Variants in RCOR1 observed in about 807,000 individuals in gnomAD.
RCOR1 encodes the protein REST corepressor.
RCOR1 carries 12 observed loss-of-function variants against 64.0 expected under a neutral mutation model. The ratio of observed to expected loss-of-function variants is 0.19; its 90% CI spans 0.12 to 0.30. The LOEUF is 0.30. RCOR1 is among the 10% of genes least tolerant of loss of function. The pLI, the probability that RCOR1 is intolerant of heterozygous loss-of-function variation, is 1.00. For synonymous variants in RCOR1, 279 were observed against 227.2 expected (o/e 1.23, Z -2.05); for missense variants, 502 against 621.2 (o/e 0.81, Z 2.04).
intron 2 of RCOR1, among the ~76,000 whole-genome samples, chr14:102,641,642 C>T (rs940671018): frequency 4.6e-5 from 7 of 151,748 alleles, no homozygotes; most frequent in African/African-American, 1.7e-4. Context: ...TTTTTTGTAC[C>T]AGCTACTATG....
Position 102,722,232 on chromosome 14 carries a change from T to C in RCOR1, c.1235T>C (p.Ile412Thr). The C allele has an allele frequency of 6.2e-7, 1 of 1,614,210 alleles. No individual in the cohort carries two copies. Among genetic ancestry groups the C allele is most frequent in the Non-Finnish European group, 8.5e-7 (1 of 1,180,026 alleles). ...GATTTTCAGGCAATCTCAGACGTGATTGGGAACAAATCAGTGGTACAAGTG... is the reference window on the plus strand; with the variant it reads ...GATTTTCAGGCAATCTCAGACGTGACTGGGAACAAATCAGTGGTACAAGTG... ...GRDFQAISDV[I>T]GNKSVVQVKN... Residue 412 changes from isoleucine to threonine, a missense_variant, in exon 11 of 12, where the codon ATT becomes ACT. Ile to Thr is a moderately conservative substitution (Grantham distance 89). This residue lies in a region of RCOR1 where 260 missense variants were observed against 416.4 expected (regional missense o/e 0.62). Transcript: ENST00000262241.
chr14:102,619,457 A>G lies in RCOR1; in HGVS notation c.361+26132A>G, dbSNP rs1893827560. On this transcript the variant is annotated intron_variant, in intron 2 of 11. Transcript: ENST00000262241. The stretch of plus-strand genomic sequence containing the variant: ...TATCTATCTGTCTGTCTGTCTATCT[A>G]TCTATTCTATCTAATCTTTTTTTTT... 2.1e-5 allele frequency among the ~76,000 whole-genome samples: 3 copies of G among 141,836 alleles called. 1 individual carries two copies. The South Asian group carries it at 6.7e-4, about 32-fold the overall frequency. 93.0% of individuals were successfully genotyped at this position (141,836 alleles called of 152,430 possible).
At chr14:102,595,932 TA>T (rs1486138487) in intron 2 of RCOR1, among the ~76,000 whole-genome samples, 2 of 149,008 alleles carry the variant, frequency 1.3e-5, no homozygotes, top group Non-Finnish European at 3.0e-5. Context: ...CTAACTGGTG[TA>T]AAGTAATTTC....
intron 4 of RCOR1, among the ~76,000 whole-genome samples, chr14:102,706,445 T>G (rs1895862756): frequency 6.6e-6 from 1 of 152,076 alleles, no homozygotes. Context: ...CAAAATAGAC[T>G]TTAAATTTAA....
chr14:102,653,492 G>C (rs1215041482), intron 2 of RCOR1, among the ~76,000 whole-genome samples: 4 of 152,146 alleles, frequency 2.6e-5, no homozygotes, highest in Admixed American at 6.6e-5. Flanking sequence ...GCAGCCTATA[G>C]TGTTATTCTT....
chr14:102,649,836 A>G (rs1347413793), intron 2 of RCOR1: 2 of 950,374 alleles, frequency 2.1e-6, no homozygotes, highest in Non-Finnish European at 2.5e-6. Context: ...ATGATCCTCA[A>G]GAAAATGAAT....
intron 3 of RCOR1, among the ~76,000 whole-genome samples, chr14:102,698,208 T>A (rs1050898039): frequency 6.6e-6 from 1 of 152,142 alleles, no homozygotes; most frequent in African/African-American, 2.4e-5. Flanking sequence ...GAAAATGGAG[T>A]AGCATTCAAC....
Position 102,662,453 on chromosome 14 carries a change from G to T in RCOR1, c.362-19442G>T, listed in dbSNP as rs1424275545. ...CTTGTTGTCCTCGCTCTTCTTCATG[G>T]CAGACTCAGTGGTCAGCGGCAACTT... On this transcript the variant is annotated intron_variant, in intron 2 of 11. Transcript: ENST00000262241. The T allele has an allele frequency of 7.3e-6, 4 of 545,152 alleles. No homozygotes were observed. In the African/African-American group the frequency reaches 7.6e-5, roughly 10 times the overall value. The allele number at this position is 545,152 out of a possible 1,614,324, so 33.8% of individuals were successfully genotyped here.
intron 2 of RCOR1, among the ~76,000 whole-genome samples, chr14:102,630,529 T>C (rs886535747): frequency 6.6e-6 from 1 of 152,170 alleles, no homozygotes; most frequent in Non-Finnish European, 1.5e-5. Flanking sequence ...TGTTCAAAGG[T>C]AAGAATCCTA....
chr14:102,613,998 G>A (rs1288177643), intron 2 of RCOR1, among the ~76,000 whole-genome samples: 1 of 148,046 alleles, frequency 6.8e-6, no homozygotes, highest in African/African-American at 2.5e-5. Flanking sequence ...CAGGTTTAAG[G>A]GATTCGCCTG....
At chr14:102,656,476 GTTTA>G (rs1237991044) in intron 2 of RCOR1, among the ~76,000 whole-genome samples, 3 of 150,746 alleles carry the variant, frequency 2.0e-5, no homozygotes, top group African/African-American at 4.9e-5. Context: ...CTGTTTTTTT[GTTTA>G]TTTGTTTGTT....
chr14:102,700,477 C>A (rs574711364), intron 3 of RCOR1, among the ~76,000 whole-genome samples: 7 of 152,220 alleles, frequency 4.6e-5, no homozygotes, highest in Non-Finnish European at 1.0e-4. Flanking sequence ...CCTGCCCTAG[C>A]CTCCCAAAAT....
chr14:102,592,915 A>T lies in RCOR1; in HGVS notation c.29A>T (p.Glu10Val). The T allele has an allele frequency of 8.1e-7, 1 of 1,240,862 alleles. No homozygotes were observed. The highest frequency in any genetic ancestry group is 1.0e-6 in the Non-Finnish European group (1 of 985,826). The allele number at this position is 1,240,862 out of a possible 1,614,324, so 76.9% of individuals were successfully genotyped here. The change falls in exon 1 of 12, where the codon GAG becomes GTG. Residue 10 changes from glutamate to valine, a missense_variant. Transcript: ENST00000262241. MPAMVEKGP[E>V]VSGKRRGRNN... ...CCGGCCATGGTGGAGAAGGGCCCCG[A>T]GGTCTCAGGGAAGCGGAGAGGGAGG...
chr14:102,662,650 T>G (rs1894847886), intron 2 of RCOR1: 5 of 448,894 alleles, frequency 1.1e-5, no homozygotes, highest in South Asian at 8.9e-5. Flanking sequence ...CTTCACAGCC[T>G]TTGCTTTGGC....
At chr14:102,680,405 G>A (rs1304215816) in intron 2 of RCOR1, among the ~76,000 whole-genome samples, 3 of 151,994 alleles carry the variant, frequency 2.0e-5, no homozygotes, top group South Asian at 4.2e-4. Flanking sequence ...ATTTGTCTTT[G>A]TATTCCCTTT....
intron 2 of RCOR1, among the ~76,000 whole-genome samples, chr14:102,650,046 AAGTT>A (rs1321255561): frequency 2.6e-5 from 4 of 151,760 alleles, no homozygotes; most frequent in Non-Finnish European, 5.9e-5. Context: ...AAAATACAAA[AAGTT>A]AGCCGGGTGA....
chr14:102,701,170 C>A, intron 3 of RCOR1, 108 bp from the exon 4 acceptor site: 2 of 948,370 alleles, frequency 2.1e-6, no homozygotes, highest in South Asian at 1.3e-5. Flanking sequence ...GGGGACACAG[C>A]CAAACCATAT....
intron 7 of RCOR1, among the ~76,000 whole-genome samples, chr14:102,711,893 C>A (rs1006525092): frequency 2.0e-4 from 31 of 152,142 alleles, no homozygotes; most frequent in African/African-American, 7.5e-4. Context: ...AGAACTCTTT[C>A]TGTAAAATGT....
chr14:102,695,200 A>G (rs940546882), intron 3 of RCOR1, among the ~76,000 whole-genome samples: 2 of 152,230 alleles, frequency 1.3e-5, no homozygotes, highest in Non-Finnish European at 2.9e-5. Context: ...TATAGAAACA[A>G]TTGAAGTTTA....
Sources: allele counts gnomAD v4.1 joint callset (sites outside exome capture counted in the v4.1 genomes callset), GRCh38; gene constraint gnomAD v4.1.1; regional missense constraint gnomAD v4.1.1; transcripts MANE v1.5; gene names NCBI Gene and HGNC (gene_info 2026-07-23, HGNC 2026-07-21).